MAGI2: variants seen among roughly 807,000 people sequenced by gnomAD.
The protein encoded by MAGI2 is membrane-associated guanylate kinase, WW and PDZ domain-containing protein 2.
A neutral mutation model predicts 133.3 loss-of-function variants in MAGI2; 35 were observed. The observed-to-expected ratio is 0.26, with a 90% CI of 0.20 to 0.35. The LOEUF is 0.35. MAGI2 is among the 10% of genes least tolerant of loss of function. The pLI is 1.00. For missense variants in MAGI2, 1,636 were observed against 1,863.4 expected (o/e 0.88, Z 2.25); for synonymous variants, 729 against 710.6 (o/e 1.03, Z -0.41).
intron 2 of MAGI2, among the ~76,000 whole-genome samples, chr7:78,975,320 A>C (rs1804152133): frequency 6.6e-6 from 1 of 151,832 alleles, no homozygotes; most frequent in Non-Finnish European, 1.5e-5. Flanking sequence ...ACTCATGTAA[A>C]GTATGTTCTC....
chr7:78,607,158 T>A (rs555984299), intron 3 of MAGI2, among the ~76,000 whole-genome samples: 2 of 152,164 alleles, frequency 1.3e-5, no homozygotes, highest in African/African-American at 2.4e-5. Context: ...TCCCTATGTT[T>A]GAGGAATCCA....
intron 1 of MAGI2, among the ~76,000 whole-genome samples, chr7:79,097,511 G>A (rs1480107601): frequency 2.0e-5 from 3 of 152,150 alleles, no homozygotes; most frequent in Non-Finnish European, 4.4e-5. Context: ...CCAAGAAAAA[G>A]GCAGAGAGTG....
intron 1 of MAGI2, among the ~76,000 whole-genome samples, chr7:79,249,887 C>G (rs1369133005): frequency 6.6e-6 from 1 of 152,012 alleles, no homozygotes; most frequent in East Asian, 1.9e-4. Context: ...TATATTGATA[C>G]AAAAATCCTC....
chr7:78,759,221 A>G (rs954956358), intron 2 of MAGI2, among the ~76,000 whole-genome samples: 2 of 152,188 alleles, frequency 1.3e-5, no homozygotes, highest in Non-Finnish European at 2.9e-5. Context: ...GAAATAATAA[A>G]AAAAAACTAT....
intron 3 of MAGI2, among the ~76,000 whole-genome samples, chr7:78,547,655 G>A (rs540136133): frequency 7.2e-5 from 11 of 152,158 alleles, no homozygotes; most frequent in South Asian, 2.1e-4. Flanking sequence ...AGGCACGCGC[G>A]CACACACACA....
At chr7:78,541,017 T>G (rs1798373802) in intron 3 of MAGI2, among the ~76,000 whole-genome samples, 1 of 152,226 alleles carries the variant, frequency 6.6e-6, no homozygotes. Flanking sequence ...TTTCCTAGTA[T>G]GTTCCTGCAG....
chr7:78,564,824 T>A (rs1480929507), intron 3 of MAGI2, among the ~76,000 whole-genome samples: 1 of 135,070 alleles, frequency 7.4e-6, no homozygotes, highest in Non-Finnish European at 1.6e-5. Flanking sequence ...GACGGAGTCT[T>A]GCTCTGTGGC....
chr7:78,569,796 A>G (rs576676026), intron 3 of MAGI2, among the ~76,000 whole-genome samples: 29 of 152,330 alleles, frequency 1.9e-4, no homozygotes, highest in African/African-American at 6.7e-4. Flanking sequence ...TGATCTAGTC[A>G]TTATGGCCTA....
intron 10 of MAGI2, among the ~76,000 whole-genome samples, chr7:78,223,019 A>C (rs1253742006): frequency 6.6e-6 from 1 of 152,210 alleles, no homozygotes; most frequent in Non-Finnish European, 1.5e-5. Flanking sequence ...ATGGGGGGAT[A>C]CTCTGAACAA....
chr7:79,313,820 T>A (rs1378791643), intron 1 of MAGI2, among the ~76,000 whole-genome samples: 2 of 121,736 alleles, frequency 1.6e-5, no homozygotes, highest in Non-Finnish European at 3.6e-5. Context: ...TTTTTTTTTT[T>A]AAGATGGAGT....
intron 6 of MAGI2, among the ~76,000 whole-genome samples, chr7:78,414,823 T>C (rs1284243545): frequency 2.0e-5 from 3 of 152,114 alleles, no homozygotes; most frequent in Non-Finnish European, 4.4e-5. Context: ...CTTGTTTAAA[T>C]ATGCTTTTAA....
At chr7:78,367,989 A>T (rs561784893) in intron 7 of MAGI2, among the ~76,000 whole-genome samples, 3 of 152,272 alleles carry the variant, frequency 2.0e-5, no homozygotes, top group South Asian at 4.1e-4. Flanking sequence ...TGTCCATGTG[A>T]CACCATACAT....
chr7:78,942,241 A>C (rs1331599378), intron 2 of MAGI2, among the ~76,000 whole-genome samples: 2 of 151,948 alleles, frequency 1.3e-5, no homozygotes, highest in African/African-American at 2.4e-5. Flanking sequence ...TATTCTTTTT[A>C]TTGGTTATGA....
intron 2 of MAGI2, among the ~76,000 whole-genome samples, chr7:78,829,351 TTTTTC>T (rs1790936672): frequency 6.6e-6 from 1 of 152,098 alleles, no homozygotes; most frequent in African/African-American, 2.4e-5. Context: ...ACTATTTCTT[TTTTTC>T]TTGAAATTTT....
At chr7:78,979,509 G>A (rs2116146439) in intron 2 of MAGI2, among the ~76,000 whole-genome samples, 1 of 151,902 alleles carries the variant, frequency 6.6e-6, no homozygotes, top group South Asian at 2.1e-4. Flanking sequence ...GCTTCTCCCT[G>A]AGCTGGGGGT....
At position 79,281,702 on chromosome 7, in the gene MAGI2, T is replaced by C. The variant is rs1215414686; in HGVS notation, c.301+171318A>G. ...ATGGAAAAAGTAGATTTATCTTTAT[T>C]GCTATACTAAATCAGAATGCTTGAT... On this transcript the variant is annotated intron_variant, in intron 1 of 21. Coordinates refer to ENST00000354212, the MANE Select transcript of MAGI2 (RefSeq NM_012301.4). Among the ~76,000 whole-genome samples the C allele has an allele frequency of 2.0e-5, 3 of 152,162 alleles. No individual in the cohort carries two copies. The East Asian group carries it at 5.8e-4, about 29-fold the overall frequency.
At chr7:79,215,751 T>C (rs1829974659) in intron 1 of MAGI2, among the ~76,000 whole-genome samples, 1 of 151,928 alleles carries the variant, frequency 6.6e-6, no homozygotes, top group Admixed American at 6.6e-5. Flanking sequence ...CTAAAATGTA[T>C]AAAATCAAGC....
At chr7:78,122,120 G>T (rs1820529872) in intron 20 of MAGI2, among the ~76,000 whole-genome samples, 2 of 152,176 alleles carry the variant, frequency 1.3e-5, no homozygotes, top group Admixed American at 6.5e-5. Context: ...TAGGAAGGTG[G>T]TTCCCTCTGA....
At chr7:78,631,345 G>T (rs186049029) in intron 2 of MAGI2, among the ~76,000 whole-genome samples, 4 of 152,042 alleles carry the variant, frequency 2.6e-5, no homozygotes, top group Admixed American at 2.6e-4. Context: ...TCATCCTTCC[G>T]ATCTGTACTG....
Sources: gnomAD v4.1 joint callset for allele counts (sites outside exome capture counted in the v4.1 genomes callset) on GRCh38, gnomAD v4.1.1 for gene constraint, MANE v1.5 for transcripts, NCBI Gene and HGNC (gene_info 2026-07-23, HGNC 2026-07-21) for gene names.